Variants in USP32 observed in about 807,000 individuals in gnomAD.
The protein encoded by USP32 is ubiquitin carboxyl-terminal hydrolase 32.
A neutral mutation model predicts 204.8 loss-of-function variants in USP32; 59 were observed. That is an observed-to-expected ratio of 0.29 (90% CI 0.23 to 0.36). The LOEUF is 0.36. Among genes scored for constraint, USP32 ranks in the 10% least tolerant of loss-of-function variants. The pLI is 1.00. For synonymous variants in USP32, 517 were observed against 678.4 expected, an observed-to-expected ratio of 0.76 and a Z score of 3.70; for missense variants, 1,160 against 1,946.4, an observed-to-expected ratio of 0.60 and a Z score of 7.60.
intron 27 of USP32, among the ~76,000 whole-genome samples, chr17:60,196,278 GA>G (rs35533470): frequency 6.8e-4 from 92 of 134,800 alleles, no homozygotes; most frequent in South Asian, 4.9e-3. Context: ...GCCAAAAAAA[GA>G]AAAAAAAAAA....
At chr17:60,294,383 AGTGTGTGT>A (rs60195146) in intron 4 of USP32, among the ~76,000 whole-genome samples, 1 of 146,376 alleles carries the variant, frequency 6.8e-6, no homozygotes, top group South Asian at 2.2e-4. Flanking sequence ...TTCCTGCAGG[AGTGTGTGT>A]GTGTGTGTGT....
At chr17:60,422,038 G>A in intron 1 of USP32, 1 of 770,704 alleles carries the variant, frequency 1.3e-6, no homozygotes, top group Non-Finnish European at 1.5e-6. Context: ...ACCCAGCACG[G>A]AGGGCTTATT....
intron 29 of USP32, among the ~76,000 whole-genome samples, chr17:60,188,227 G>A (rs2084296767): frequency 6.6e-6 from 1 of 152,140 alleles, no homozygotes; most frequent in South Asian, 2.1e-4. Flanking sequence ...TGAGGAATCT[G>A]AGGTCCCAAC....
At chr17:60,283,285 C>T (rs992030689) in intron 5 of USP32, among the ~76,000 whole-genome samples, 3 of 152,002 alleles carry the variant, frequency 2.0e-5, no homozygotes, top group South Asian at 4.2e-4. Context: ...AAAGAACACA[C>T]GTGAGGAGAA....
upstream of USP32, chr17:60,392,681 C>G (rs189408740): frequency 2.3e-6 from 1 of 438,952 alleles, no homozygotes; most frequent in East Asian, 7.9e-5. Flanking sequence ...ACGTCTTTGA[C>G]TGGGAGGGCG....
chr17:60,330,634 C>A (rs1198106122), intron 2 of USP32, among the ~76,000 whole-genome samples: 1 of 151,688 alleles, frequency 6.6e-6, no homozygotes, highest in Non-Finnish European at 1.5e-5. Context: ...GTAGCCTCAA[C>A]CTCCCAGGCT....
upstream of USP32, among the ~76,000 whole-genome samples, chr17:60,394,416 T>G (rs927055185): frequency 6.6e-6 from 1 of 152,228 alleles, no homozygotes; most frequent in Admixed American, 6.5e-5. Context: ...ATCTACCCAC[T>G]TGATTTGCAG....
intron 6 of USP32, among the ~76,000 whole-genome samples, chr17:60,270,218 A>G (rs542843468): frequency 6.6e-6 from 1 of 152,336 alleles, no homozygotes; most frequent in East Asian, 1.9e-4. Context: ...ATCAATCCCA[A>G]TTCTAAAAAG....
chr17:60,392,047 G>GCCCCCACCTC lies in USP32; in HGVS notation c.-118_-109dup. 1 of 1,187,552 alleles carries GCCCCCACCTC rather than the reference G, an allele frequency of 8.4e-7. No individual in the cohort carries two copies. The highest frequency in any genetic ancestry group is 1.1e-6 in the Non-Finnish European group (1 of 894,700). The allele number at this position is 1,187,552 out of a possible 1,614,324, so 73.6% of individuals were successfully genotyped here. On this transcript the variant is annotated 5_prime_UTR_variant, in exon 1 of 34. Coordinates refer to ENST00000300896, the MANE Select transcript of USP32 (RefSeq NM_032582.4). Reference sequence around the variant, plus strand: ...GACGGTGACGGTGTCGGCGTCCCCCGCCCCCACCTCCCCCCACACTAACAA... The same window carrying GCCCCCACCTC: ...GACGGTGACGGTGTCGGCGTCCCCCGCCCCCACCTCCCCCCACCTCCCCCCACACTAACAA...
intron 3 of USP32, among the ~76,000 whole-genome samples, chr17:60,299,765 A>G (rs919964495): frequency 2.0e-5 from 3 of 152,196 alleles, no homozygotes; most frequent in African/African-American, 7.2e-5. Context: ...ACAAAATACC[A>G]TAAACTGGGT....
At chr17:60,405,237 C>G (rs1294481574) in intron 1 of USP32, among the ~76,000 whole-genome samples, 1 of 152,152 alleles carries the variant, frequency 6.6e-6, no homozygotes, top group Admixed American at 6.5e-5. Flanking sequence ...GAGTTTCGCT[C>G]TGTCACCCAG....
At chr17:60,199,096 G>A (rs1476857274) in intron 26 of USP32, among the ~76,000 whole-genome samples, 1 of 150,264 alleles carries the variant, frequency 6.7e-6, no homozygotes, top group Admixed American at 6.6e-5. Flanking sequence ...AGCCTGGAAG[G>A]TAGAGTGAGA....
intron 29 of USP32, among the ~76,000 whole-genome samples, chr17:60,188,306 T>G (rs1336049002): frequency 6.6e-6 from 1 of 152,218 alleles, no homozygotes; most frequent in Non-Finnish European, 1.5e-5. Flanking sequence ...ATAATATTCA[T>G]GTTGGAAAGC....
At chr17:60,405,593 C>G (rs2089969460) in intron 1 of USP32, among the ~76,000 whole-genome samples, 1 of 152,078 alleles carries the variant, frequency 6.6e-6, no homozygotes, top group Non-Finnish European at 1.5e-5. Flanking sequence ...AAAACCCCAT[C>G]GCTACAAAAA....
At chr17:60,343,824 G>A (rs1006479964) in intron 2 of USP32, among the ~76,000 whole-genome samples, 1 of 152,176 alleles carries the variant, frequency 6.6e-6, no homozygotes, top group Middle Eastern at 3.2e-3. Flanking sequence ...CTGCGGTCAG[G>A]AGTTCAAGAC....
intron 5 of USP32, among the ~76,000 whole-genome samples, chr17:60,272,894 G>C (rs575066957): frequency 1.2e-4 from 19 of 152,324 alleles, no homozygotes; most frequent in South Asian, 6.2e-4. Context: ...ACTGAGTTTT[G>C]GCAGAATAGT....
chr17:60,249,016 A>G (rs985050106), intron 11 of USP32: 4 of 152,124 alleles, frequency 2.6e-5, no homozygotes, highest in Non-Finnish European at 4.4e-5. Flanking sequence ...CTTCCGGTAC[A>G]GTATCTTGCA....
chr17:60,361,848 A>C (rs2089213664), intron 1 of USP32, among the ~76,000 whole-genome samples: 1 of 152,154 alleles, frequency 6.6e-6, no homozygotes, highest in African/African-American at 2.4e-5. Flanking sequence ...AACAGTGTGG[A>C]GAGAGAAAGA....
chr17:60,368,219 T>C (rs2089356952), intron 1 of USP32, among the ~76,000 whole-genome samples: 2 of 152,300 alleles, frequency 1.3e-5, no homozygotes, highest in Middle Eastern at 6.8e-3. Flanking sequence ...AGAAATACAG[T>C]ATTTAGAGAT....
Sources: gnomAD v4.1 joint callset for allele counts (sites outside exome capture counted in the v4.1 genomes callset) on GRCh38, gnomAD v4.1.1 for gene constraint, MANE v1.5 for transcripts, NCBI Gene and HGNC (gene_info 2026-07-23, HGNC 2026-07-21) for gene names.